Variants in FBN1 observed in about 807,000 individuals in gnomAD.
The protein encoded by FBN1 is fibrillin 1.
In FBN1, 29 loss-of-function variants were observed where a neutral mutation model predicts 365.1. That is an observed-to-expected ratio of 0.08 (90% CI 0.06 to 0.11). The LOEUF is 0.11. Ranked by LOEUF, FBN1 falls within the 10% of genes least tolerant of loss-of-function variation. The pLI is 1.00. For synonymous variants in FBN1, 1,210 were observed against 1,270.5 expected (o/e 0.95, Z 1.01); for missense variants, 2,476 against 3,703.2 (o/e 0.67, Z 8.60).
chr15:48,415,849 G>A (rs1273603058), intron 63 of FBN1, 82 bp from the exon 64 acceptor site: 19 of 1,168,042 alleles, frequency 1.6e-5, no homozygotes, highest in African/African-American at 1.1e-4. Flanking sequence ...ACTTGCTGCC[G>A]GCCAGCTGGC....
At chr15:48,584,621 T>A (rs1436224271) in intron 6 of FBN1, among the ~76,000 whole-genome samples, 2 of 152,188 alleles carry the variant, frequency 1.3e-5, no homozygotes, top group East Asian at 3.9e-4. Context: ...TGCCTTTTGT[T>A]TAGTTTTGTG....
Position 48,441,866 on chromosome 15 carries a change from C to A in FBN1, c.6038-20G>T. On this transcript the variant is annotated intron_variant, in intron 49 of 65. Transcript: ENST00000316623. ...CAATATCTAAAAGAATCACATGAGTCAAACAAAGTCAAAACACGATGGAGA... is the reference window on the plus strand; with the variant it reads ...CAATATCTAAAAGAATCACATGAGTAAAACAAAGTCAAAACACGATGGAGA... 3 of 1,611,904 alleles carry A rather than the reference C, an allele frequency of 1.9e-6. No individual in the cohort carries two copies. In the South Asian group the frequency reaches 3.3e-5, roughly 18 times the overall value.
chr15:48,508,499 G>A, intron 15 of FBN1, 83 bp downstream of exon 15: 2 of 1,581,664 alleles, frequency 1.3e-6, no homozygotes, highest in Admixed American at 1.7e-5. Flanking sequence ...GGGAGAATCA[G>A]TAAAGAAAGG....
At chr15:48,583,859 A>G (rs1483777487) in intron 6 of FBN1, among the ~76,000 whole-genome samples, 1 of 152,226 alleles carries the variant, frequency 6.6e-6, no homozygotes, top group Non-Finnish European at 1.5e-5. Flanking sequence ...AATGTGTACT[A>G]AAGAAAAGCA....
At chr15:48,430,562 C>T (rs1369023280) in intron 56 of FBN1, 109 bp downstream of exon 56, 4 of 1,315,334 alleles carry the variant, frequency 3.0e-6, no homozygotes, top group South Asian at 2.4e-5. Context: ...GTTAAGAGAA[C>T]AAAATGGGTC....
intron 45 of FBN1, among the ~76,000 whole-genome samples, 197 bp downstream of exon 45, chr15:48,452,365 A>G (rs891198180): frequency 1.3e-5 from 2 of 152,264 alleles, no homozygotes; most frequent in African/African-American, 4.8e-5. Flanking sequence ...TCATCCAGAA[A>G]GAGGATTAAA....
At chr15:48,504,668 C>G (rs1267689488) in intron 16 of FBN1, among the ~76,000 whole-genome samples, 1 of 152,056 alleles carries the variant, frequency 6.6e-6, no homozygotes. Context: ...TCTATACTGC[C>G]CATGGACATC....
In FBN1 at chr15:48,483,960, C is replaced by A. The variant is rs1377758893; in HGVS notation, c.3713-17G>T. On this transcript the variant is annotated splice_polypyrimidine_tract_variant and intron_variant, in intron 30 of 65. Coordinates refer to ENST00000316623, the MANE Select transcript of FBN1 (RefSeq NM_000138.5). ...CATCGATGTCTGCAAAGAATAAAACCAACAACCACAGGTTGTTGATATTGG... is the reference window on the plus strand; with the variant it reads ...CATCGATGTCTGCAAAGAATAAAACAAACAACCACAGGTTGTTGATATTGG... 1.2e-6 allele frequency: 2 copies of A among 1,611,118 alleles called. No individual in the cohort carries two copies. The highest frequency in any genetic ancestry group is 3.3e-5 in the Admixed American group (2 of 60,006).
At chr15:48,465,356 G>A (rs1297413113) in intron 40 of FBN1, among the ~76,000 whole-genome samples, 2 of 152,198 alleles carry the variant, frequency 1.3e-5, no homozygotes, top group Non-Finnish European at 2.9e-5. Context: ...TTTTTCTCAG[G>A]AAAAGAGGGA....
At chr15:48,511,654 C>T (rs892662627) in intron 13 of FBN1, among the ~76,000 whole-genome samples, 5 of 152,176 alleles carry the variant, frequency 3.3e-5, no homozygotes, top group Non-Finnish European at 7.3e-5. Flanking sequence ...ATGTGCACAG[C>T]CTTTTGGACC....
chr15:48,526,520 T>G (rs955839367), intron 8 of FBN1, among the ~76,000 whole-genome samples: 3 of 152,248 alleles, frequency 2.0e-5, no homozygotes, highest in African/African-American at 7.2e-5. Flanking sequence ...TGTACTGTTG[T>G]TTCACCAAGT....
chr15:48,631,902 T>C lies in FBN1; in HGVS notation c.164+12704A>G, dbSNP rs1022824474. Among the ~76,000 whole-genome samples, 2 of 152,236 alleles carry C rather than the reference T, an allele frequency of 1.3e-5. 1 individual carries two copies. Among genetic ancestry groups the C allele is most frequent in the South Asian group, 4.1e-4 (2 of 4,832 alleles). ...CCAAAGAGAATGGTTTTCAACCCAG[T>C]CTTTCCATTTACTAAAATTTAAATT... is the stretch of plus-strand genomic sequence containing the variant. On this transcript the variant is annotated intron_variant, in intron 2 of 65. Coordinates refer to ENST00000316623, the MANE Select transcript of FBN1 (RefSeq NM_000138.5).
intron 6 of FBN1, among the ~76,000 whole-genome samples, chr15:48,558,724 G>T (rs999740575): frequency 3.9e-5 from 6 of 152,204 alleles, no homozygotes; most frequent in Admixed American, 3.9e-4. Flanking sequence ...TGTGTTCAAA[G>T]ACGCAAAGCC....
chr15:48,553,871 TATAGAA>T (rs1018935649), intron 6 of FBN1, among the ~76,000 whole-genome samples: 4 of 152,132 alleles, frequency 2.6e-5, no homozygotes, highest in Non-Finnish European at 5.9e-5. Context: ...GAAGGAAACT[TATAGAA>T]GAAGAAAAAG....
intron 6 of FBN1, among the ~76,000 whole-genome samples, chr15:48,540,514 G>T (rs2141361716): frequency 6.6e-6 from 1 of 152,198 alleles, no homozygotes; most frequent in Non-Finnish European, 1.5e-5. Context: ...AGTTATAACA[G>T]AATGTGTTCA....
intron 6 of FBN1, among the ~76,000 whole-genome samples, chr15:48,544,567 A>G (rs1175865841): frequency 6.6e-6 from 1 of 152,198 alleles, no homozygotes; most frequent in Admixed American, 6.5e-5. Context: ...AAACAAGGTG[A>G]TTTGTTGTAC....
At chr15:48,565,625 TAAA>T (rs35240803) in intron 6 of FBN1, among the ~76,000 whole-genome samples, 39 of 138,990 alleles carry the variant, frequency 2.8e-4, no homozygotes, top group African/African-American at 9.6e-4. Flanking sequence ...TTCAATGTGA[TAAA>T]AAAAAAAAAA....
chr15:48,441,097 T>C (rs902321681), intron 50 of FBN1, among the ~76,000 whole-genome samples: 1 of 152,228 alleles, frequency 6.6e-6, no homozygotes, highest in Non-Finnish European at 1.5e-5. Flanking sequence ...GGGACTTAAG[T>C]ACATACTGTG....
At chr15:48,619,876 A>T (rs1003487262) in intron 2 of FBN1, among the ~76,000 whole-genome samples, 6 of 112,460 alleles carry the variant, frequency 5.3e-5, no homozygotes, top group Non-Finnish European at 1.2e-4. Context: ...AATAAAAGTT[A>T]AAAAAAAAAA....
Sources: allele counts gnomAD v4.1 joint callset (sites outside exome capture counted in the v4.1 genomes callset), GRCh38; gene constraint gnomAD v4.1.1; transcripts MANE v1.5; gene names NCBI Gene and HGNC (gene_info 2026-07-23, HGNC 2026-07-21).